The following RNLS variants were observed in gnomAD, a reference collection of about 807,000 sequenced individuals.
The protein encoded by RNLS is renalase.
RNLS carries 39 observed loss-of-function variants against 39.8 expected under a neutral mutation model. The ratio of observed to expected loss-of-function variants is 0.98; its 90% CI spans 0.76 to 1.28. The LOEUF (loss-of-function observed/expected upper bound fraction) is 1.28. RNLS is among the 50% of genes most tolerant of loss of function. The pLI, the probability that RNLS is intolerant of heterozygous loss-of-function variation, is 0.00. For missense variants in RNLS, 410 were observed against 413.3 expected, an observed-to-expected ratio of 0.99 and a Z score of 0.07; for synonymous variants, 147 against 150.7, an observed-to-expected ratio of 0.98 and a Z score of 0.18.
chr10:88,217,417 G>C, the RNLS span, among the ~76,000 whole-genome samples: 1 of 152,088 alleles, frequency 6.6e-6, no homozygotes, highest in Admixed American at 6.5e-5. Flanking sequence ...AAAAATGAAA[G>C]ATCACAACCT....
downstream of RNLS, among the ~76,000 whole-genome samples, chr10:88,281,134 C>T (rs1564658032): frequency 6.6e-6 from 1 of 152,184 alleles, no homozygotes; most frequent in Admixed American, 6.5e-5. Context: ...TTTGGTCCTG[C>T]ACCAGATCAT....
chr10:88,172,694 T>A, the RNLS span, among the ~76,000 whole-genome samples: 1 of 152,214 alleles, frequency 6.6e-6, no homozygotes. Flanking sequence ...GTCCCATTTA[T>A]CTATGTTTGC....
intron 4 of RNLS, among the ~76,000 whole-genome samples, chr10:88,464,652 T>G (rs1389641294): frequency 6.6e-6 from 1 of 152,086 alleles, no homozygotes; most frequent in Admixed American, 6.6e-5. Context: ...TTACAAATTA[T>G]GAGGTTCTGA....
At chr10:88,228,391 G>A in the RNLS span, among the ~76,000 whole-genome samples, 2 of 152,144 alleles carry the variant, frequency 1.3e-5, no homozygotes, top group Admixed American at 6.5e-5. Flanking sequence ...CACTGCAGCA[G>A]GGATGAATCT....
At chr10:88,420,056 A>AAATAAATAAATG (rs1564786008) in intron 4 of RNLS, among the ~76,000 whole-genome samples, 1 of 43,112 alleles carries the variant, frequency 2.3e-5, no homozygotes, top group Non-Finnish European at 5.0e-5. Context: ...ATAAATAAAT[A>AAATAAATAAATG]AATGAATGAA....
chr10:88,394,768 A>C (rs903410118), intron 4 of RNLS, among the ~76,000 whole-genome samples: 5 of 152,204 alleles, frequency 3.3e-5, no homozygotes, highest in Non-Finnish European at 7.3e-5. Flanking sequence ...GGCACTATTC[A>C]CAATAGCAGA....
At chr10:88,558,276 C>T (rs1848981180) in intron 4 of RNLS, among the ~76,000 whole-genome samples, 2 of 152,052 alleles carry the variant, frequency 1.3e-5, no homozygotes, top group Admixed American at 1.3e-4. Context: ...GCTAGAGAGC[C>T]TTAAGCAAGT....
At chr10:88,570,963 C>CTTTTT (rs1179336519) in intron 4 of RNLS, among the ~76,000 whole-genome samples, 6 of 96,714 alleles carry the variant, frequency 6.2e-5, no homozygotes, top group Admixed American at 1.1e-4. Flanking sequence ...GTTGTATATT[C>CTTTTT]TTTTTTTTTT....
At chr10:88,511,322 A>T (rs1395602503) in intron 4 of RNLS, among the ~76,000 whole-genome samples, 1 of 152,174 alleles carries the variant, frequency 6.6e-6, no homozygotes, top group Non-Finnish European at 1.5e-5. Flanking sequence ...AGAGCCCATG[A>T]TAATGGCATG....
At chr10:88,382,647 A>C (rs1851616900) in intron 4 of RNLS, among the ~76,000 whole-genome samples, 1 of 152,140 alleles carries the variant, frequency 6.6e-6, no homozygotes, top group Admixed American at 6.5e-5. Flanking sequence ...CAGTTGCTTG[A>C]ATAGTTGAGA....
downstream of RNLS, among the ~76,000 whole-genome samples, chr10:88,283,671 G>C (rs187575114): frequency 2.1e-3 from 313 of 152,204 alleles, 1 homozygote; most frequent in South Asian, 0.014. Flanking sequence ...AACATGGATG[G>C]AGCTGGAGGC....
intron 4 of RNLS, among the ~76,000 whole-genome samples, chr10:88,509,021 G>A (rs953248189): frequency 6.6e-6 from 1 of 151,720 alleles, no homozygotes; most frequent in Non-Finnish European, 1.5e-5. Context: ...GGGTGGGGGG[G>A]CTGGTTCATA....
intron 4 of RNLS, among the ~76,000 whole-genome samples, chr10:88,413,783 A>C (rs1185660762): frequency 6.6e-6 from 1 of 152,160 alleles, no homozygotes; most frequent in East Asian, 1.9e-4. Flanking sequence ...GTTTCAATTT[A>C]TGAGTGGATC....
intron 4 of RNLS, among the ~76,000 whole-genome samples, chr10:88,516,866 C>G (rs1328118719): frequency 6.6e-6 from 1 of 151,976 alleles, no homozygotes; most frequent in Non-Finnish European, 1.5e-5. Flanking sequence ...GACAAACTGT[C>G]CATTTCCCTT....
chr10:88,309,340 A>T lies in RNLS; in HGVS notation c.876+5126T>A, dbSNP rs533198993. 3.2e-5 allele frequency: 35 copies of T among 1,091,084 alleles called. No individual in the cohort carries two copies. The African/African-American group carries it at 3.6e-4, about 11-fold the overall frequency. The allele number at this position is 1,091,084 out of a possible 1,614,324, so 67.6% of individuals were successfully genotyped here. ...AAAAGCAAGAAAAAATTAAAATATC[A>T]ATCACCACCTGACTTTTCAATGCTG... On this transcript the variant is annotated intron_variant, in intron 6 of 6. Transcript: ENST00000331772.
At chr10:88,426,007 C>T (rs925484400) in intron 4 of RNLS, among the ~76,000 whole-genome samples, 1 of 151,964 alleles carries the variant, frequency 6.6e-6, no homozygotes, top group African/African-American at 2.4e-5. Flanking sequence ...AGAATTATCC[C>T]AAAACTAACT....
chr10:88,486,419 C>CA (rs2134042574), intron 4 of RNLS, among the ~76,000 whole-genome samples: 1 of 152,020 alleles, frequency 6.6e-6, no homozygotes, highest in Non-Finnish European at 1.5e-5. Context: ...AAACTATCAA[C>CA]AGAGTAAACA....
At position 88,496,423 on chromosome 10, in the gene RNLS, G is replaced by C. The variant is rs546875901; in HGVS notation, c.526+76480C>G. On this transcript the variant is annotated intron_variant, in intron 4 of 6. Coordinates refer to ENST00000331772, the MANE Select transcript of RNLS (RefSeq NM_001031709.3). ...GCCATAGCAGAAGGAAGAAGCAGTG[G>C]CCTGACGCTTTACTTCTTCAGACAC... Among the ~76,000 whole-genome samples the C allele has an allele frequency of 6.6e-4, 101 of 152,260 alleles. 1 individual carries two copies. In the South Asian group the frequency reaches 7.0e-3, roughly 11 times the overall value.
At chr10:88,171,977 A>G in the RNLS span, among the ~76,000 whole-genome samples, 3 of 152,168 alleles carry the variant, frequency 2.0e-5, no homozygotes, top group Admixed American at 1.3e-4. Context: ...TATTGTGGTG[A>G]GTGTCAGGAT....
Sources: gnomAD v4.1 joint callset for allele counts (sites outside exome capture counted in the v4.1 genomes callset) on GRCh38, gnomAD v4.1.1 for gene constraint, MANE v1.5 for transcripts, NCBI Gene and HGNC (gene_info 2026-07-23, HGNC 2026-07-21) for gene names.